SRGAP1: variants seen among roughly 807,000 people sequenced by gnomAD.
The protein encoded by SRGAP1 is SLIT-ROBO Rho GTPase-activating protein 1.
A neutral mutation model predicts 121.9 loss-of-function variants in SRGAP1; 43 were observed. The ratio of observed to expected loss-of-function variants is 0.35; its 90% CI spans 0.28 to 0.46. SRGAP1 has a LOEUF of 0.46. Among genes scored for constraint, SRGAP1 ranks in the 20% least tolerant of loss-of-function variants. The pLI is 1.00. For synonymous variants in SRGAP1, 447 were observed against 485.4 expected, an observed-to-expected ratio of 0.92 and a Z score of 1.04; for missense variants, 1,102 against 1,350.9, an observed-to-expected ratio of 0.82 and a Z score of 2.89.
At chr12:63,935,221 G>A (rs1373043317) in intron 1 of SRGAP1, among the ~76,000 whole-genome samples, 3 of 152,196 alleles carry the variant, frequency 2.0e-5, no homozygotes, top group African/African-American at 4.8e-5. Context: ...GAGAGTCTGA[G>A]CAATGGAATA....
rs1331057335 is a variant in SRGAP1, at chr12:64,159,291, C to T, written c.*16619C>T. 6.6e-6 allele frequency: 1 copy of T among 152,508 alleles called. No homozygotes were observed. The highest frequency in any genetic ancestry group is 1.5e-5 in the Non-Finnish European group (1 of 68,312). The allele number at this position is 152,508 out of a possible 1,614,324, so 9.4% of individuals were successfully genotyped here. A position where few individuals can be genotyped will look rare whatever the true frequency, so the allele number is the denominator to read the frequency against. ...GACCAACCTGACCAACATGGTGAAA[C>T]CCCATCTCTACTAAAAATACAAAAT... On this transcript the variant is annotated 3_prime_UTR_variant, in exon 22 of 22. Coordinates refer to ENST00000355086, the MANE Select transcript of SRGAP1 (RefSeq NM_020762.4).
intron 3 of SRGAP1, among the ~76,000 whole-genome samples, chr12:64,013,273 A>T (rs1417596193): frequency 6.6e-6 from 1 of 152,158 alleles, no homozygotes; most frequent in Admixed American, 6.5e-5. Context: ...TGCTCCCTCC[A>T]CTGTTGCCAT....
At chr12:64,118,880 G>A (rs1565688661) in intron 18 of SRGAP1, among the ~76,000 whole-genome samples, 2 of 151,992 alleles carry the variant, frequency 1.3e-5, no homozygotes, top group East Asian at 2.0e-4. Flanking sequence ...GCTAATTTTT[G>A]TATTTTTAGT....
intron 3 of SRGAP1, among the ~76,000 whole-genome samples, chr12:63,991,677 C>T (rs770596824): frequency 6.6e-5 from 10 of 152,102 alleles, no homozygotes; most frequent in Non-Finnish European, 1.0e-4. Flanking sequence ...CAGGAGACTA[C>T]GATGACAGGT....
chr12:64,099,004 C>T (rs926627638), intron 15 of SRGAP1, among the ~76,000 whole-genome samples: 1 of 152,182 alleles, frequency 6.6e-6, no homozygotes, highest in Non-Finnish European at 1.5e-5. Flanking sequence ...CTATTGGGTA[C>T]GTATGTCCAG....
chr12:64,063,579 C>G (rs1261097148), intron 7 of SRGAP1, among the ~76,000 whole-genome samples: 1 of 152,012 alleles, frequency 6.6e-6, no homozygotes, highest in African/African-American at 2.4e-5. Flanking sequence ...AAGTTGGCTC[C>G]AAAGCTATAA....
chr12:64,007,292 A>G (rs1013025077), intron 3 of SRGAP1, among the ~76,000 whole-genome samples: 1 of 152,202 alleles, frequency 6.6e-6, no homozygotes, highest in Non-Finnish European at 1.5e-5. Flanking sequence ...GCAAGGGGAT[A>G]GTTTCGAGAT....
intron 3 of SRGAP1, among the ~76,000 whole-genome samples, chr12:63,991,990 G>T (rs545893446): frequency 4.6e-5 from 7 of 152,316 alleles, no homozygotes; most frequent in African/African-American, 1.7e-4. Flanking sequence ...TGAGGAAATT[G>T]TTCTCAGAAA....
intron 1 of SRGAP1, among the ~76,000 whole-genome samples, chr12:63,889,410 C>T (rs538563456): frequency 2.6e-5 from 4 of 152,240 alleles, no homozygotes; most frequent in South Asian, 4.1e-4. Context: ...GGGTGATCCC[C>T]GTTCCTATTC....
chr12:64,011,454 T>A (rs2034249352), intron 3 of SRGAP1, among the ~76,000 whole-genome samples: 1 of 152,150 alleles, frequency 6.6e-6, no homozygotes. Context: ...CTAACATGTA[T>A]CAGGAGTCTT....
rs1592345503 is a variant in SRGAP1, at chr12:64,126,053, T to G, written c.2301T>G (p.Gly767=). 6.2e-7 allele frequency: 1 copy of G among 1,614,128 alleles called. No individual in the cohort carries two copies. The highest frequency in any genetic ancestry group is 8.5e-7 in the Non-Finnish European group (1 of 1,180,012). Reference sequence around the variant, plus strand: ...CCAGAGAACTATCCTTCAAGAAGGGTGCCTCCCTGCTGCTGTATCACCGTG... The same window carrying G: ...CCAGAGAACTATCCTTCAAGAAGGGGGCCTCCCTGCTGCTGTATCACCGTG... ...RSARELSFKK[G]ASLLLYHRAS... is the part of the protein sequence containing the mutation. Residue 767 remains glycine (G), a synonymous_variant, in exon 19 of 22, where the codon GGT becomes GGG. Transcript: ENST00000355086.
chr12:64,124,056 GA>G (rs1011610020), intron 18 of SRGAP1, among the ~76,000 whole-genome samples: 13 of 149,448 alleles, frequency 8.7e-5, no homozygotes, highest in Non-Finnish European at 1.5e-4. Flanking sequence ...CTGTTTAAAA[GA>G]AAAAAAAAAT....
intron 17 of SRGAP1, among the ~76,000 whole-genome samples, chr12:64,113,107 AAAG>A (rs922303553): frequency 1.3e-5 from 2 of 150,660 alleles, no homozygotes; most frequent in African/African-American, 4.9e-5. Context: ...CCCTGTCTCT[AAAG>A]AAGAAAAAAA....
intron 1 of SRGAP1, among the ~76,000 whole-genome samples, chr12:63,948,926 TC>T (rs1158607936): frequency 4.0e-4 from 32 of 79,014 alleles, no homozygotes; most frequent in African/African-American, 1.2e-3. Context: ...ATATATATAT[TC>T]CATATATATA....
intron 13 of SRGAP1, 60 bp from the exon 14 acceptor site, chr12:64,095,067 A>G (rs117382533): frequency 2.8e-4 from 452 of 1,609,876 alleles, no homozygotes; most frequent in Non-Finnish European, 3.7e-4. Context: ...CTTCCTGGGA[A>G]AAGAGGGACC....
intron 1 of SRGAP1, among the ~76,000 whole-genome samples, chr12:63,933,659 G>A (rs2031561569): frequency 1.3e-5 from 2 of 152,192 alleles, no homozygotes; most frequent in African/African-American, 4.8e-5. Flanking sequence ...AAAGGACAGT[G>A]TTAAAAGAAC....
At chr12:63,905,269 A>T (rs1256744798) in intron 1 of SRGAP1, among the ~76,000 whole-genome samples, 1 of 152,164 alleles carries the variant, frequency 6.6e-6, no homozygotes, top group African/African-American at 2.4e-5. Context: ...AAATGTTATG[A>T]TCATTTATCA....
chr12:64,009,591 A>T (rs1304857380), intron 3 of SRGAP1, among the ~76,000 whole-genome samples: 1 of 152,182 alleles, frequency 6.6e-6, no homozygotes, highest in Non-Finnish European at 1.5e-5. Flanking sequence ...TGGATGTAGA[A>T]TACCACATTT....
chr12:63,855,484 T>TG (rs1899214010), intron 1 of SRGAP1, among the ~76,000 whole-genome samples: 2 of 118,730 alleles, frequency 1.7e-5, no homozygotes. Context: ...TTTTTTTTTT[T>TG]TTTTTTTTTT....
Sources: allele counts gnomAD v4.1 joint callset (sites outside exome capture counted in the v4.1 genomes callset), GRCh38; gene constraint gnomAD v4.1.1; transcripts MANE v1.5; gene names NCBI Gene and HGNC (gene_info 2026-07-23, HGNC 2026-07-21).